The following NXPE2 variants were observed in gnomAD, a reference collection of about 807,000 sequenced individuals.
NXPE2 encodes NXPE family member 2.
NXPE2 carries 34 observed loss-of-function variants against 34.4 expected under a neutral mutation model. The ratio of observed to expected loss-of-function variants is 0.99; its 90% CI spans 0.75 to 1.31. The LOEUF (loss-of-function observed/expected upper bound fraction) is 1.31, where lower values mean the gene tolerates loss of function less well. Among genes scored for constraint, NXPE2 ranks in the 40% most tolerant of loss-of-function variants. The pLI is 0.00. For missense variants in NXPE2, 649 were observed against 672.5 expected (o/e 0.97, Z 0.39); for synonymous variants, 235 against 231.3 (o/e 1.02, Z -0.15).
chr11:114,511,696 T>TG, the NXPE2 span, among the ~76,000 whole-genome samples: 1 of 152,206 alleles, frequency 6.6e-6, no homozygotes, highest in Non-Finnish European at 1.5e-5. Context: ...TGGGGCCTGG[T>TG]GAAAGGTGTT....
the NXPE2 span, chr11:114,553,726 G>A: frequency 2.0e-6 from 2 of 985,212 alleles, no homozygotes; most frequent in South Asian, 9.4e-5. Context: ...GCATATCCCA[G>A]TGTCTTTAAG....
At chr11:114,609,182 C>A in the NXPE2 span, among the ~76,000 whole-genome samples, 4 of 151,504 alleles carry the variant, frequency 2.6e-5, no homozygotes, top group African/African-American at 9.7e-5. Context: ...ATAAATATTG[C>A]CTCATGGGTA....
At chr11:114,784,098 C>T in the NXPE2 span, among the ~76,000 whole-genome samples, 2 of 152,186 alleles carry the variant, frequency 1.3e-5, no homozygotes, top group Non-Finnish European at 2.9e-5. Flanking sequence ...GGCCAAGGTT[C>T]AAACAGATTG....
the NXPE2 span, among the ~76,000 whole-genome samples, chr11:114,722,066 T>TCTTCATG: frequency 6.6e-6 from 1 of 152,210 alleles, no homozygotes; most frequent in East Asian, 1.9e-4. Flanking sequence ...CTCAACCTTT[T>TCTTCATG]CTTCATGCAT....
the NXPE2 span, among the ~76,000 whole-genome samples, chr11:114,783,622 G>A: frequency 6.6e-6 from 1 of 152,158 alleles, no homozygotes; most frequent in East Asian, 1.9e-4. Flanking sequence ...TTTTCTTTCT[G>A]GGGTCCTCTT....
chr11:114,765,335 T>A, the NXPE2 span, among the ~76,000 whole-genome samples: 1 of 152,254 alleles, frequency 6.6e-6, no homozygotes, highest in Non-Finnish European at 1.5e-5. Context: ...CAATACTGTG[T>A]GTAGCAAGTC....
At chr11:114,806,777 A>G in the NXPE2 span, among the ~76,000 whole-genome samples, 1 of 152,052 alleles carries the variant, frequency 6.6e-6, no homozygotes, top group Non-Finnish European at 1.5e-5. Context: ...GCAGGATATT[A>G]TCCAGGAGAA....
At chr11:114,754,225 A>T in the NXPE2 span, among the ~76,000 whole-genome samples, 3 of 152,080 alleles carry the variant, frequency 2.0e-5, no homozygotes, top group Admixed American at 2.0e-4. Flanking sequence ...GTGCAGTTAG[A>T]TGGAGGTAAA....
the NXPE2 span, among the ~76,000 whole-genome samples, chr11:114,625,189 G>C: frequency 0.092 from 13,977 of 152,170 alleles, 762 homozygotes; most frequent in Middle Eastern, 0.2. Context: ...TGGATAATAC[G>C]TGTGGCCTTG....
At chr11:114,598,827 C>A in the NXPE2 span, among the ~76,000 whole-genome samples, 1 of 152,032 alleles carries the variant, frequency 6.6e-6, no homozygotes, top group South Asian at 2.1e-4. Flanking sequence ...CTCTGAAATG[C>A]CTTTGAGGCC....
the NXPE2 span, among the ~76,000 whole-genome samples, chr11:114,745,027 A>G: frequency 6.6e-6 from 1 of 152,204 alleles, no homozygotes; most frequent in Admixed American, 6.6e-5. Flanking sequence ...ATTCTTTCTC[A>G]GCAAATAAAT....
chr11:114,521,165 T>C, the NXPE2 span, among the ~76,000 whole-genome samples: 7 of 141,400 alleles, frequency 5.0e-5, no homozygotes, highest in Middle Eastern at 3.5e-3. Flanking sequence ...ATTTTCTCTT[T>C]AACAGGAAAG....
the NXPE2 span, among the ~76,000 whole-genome samples, chr11:114,805,863 G>A: frequency 2.0e-4 from 31 of 152,312 alleles, no homozygotes; most frequent in South Asian, 4.6e-3. Context: ...CTCCCAGCAC[G>A]CAGCTTGAGA....
the NXPE2 span, chr11:114,526,415 A>G: frequency 1.6e-5 from 2 of 123,174 alleles, no homozygotes; most frequent in African/African-American, 6.0e-5. Context: ...TATGAATTTT[A>G]TTTTATATTC....
At chr11:114,721,089 CAGG>C in the NXPE2 span, among the ~76,000 whole-genome samples, 154 of 152,218 alleles carry the variant, frequency 1.0e-3, 1 homozygote, top group Non-Finnish European at 3.1e-4. Flanking sequence ...TCCTTTCCCC[CAGG>C]AGTTCTCTCA....
At chr11:114,697,039 TTC>T (rs1044876026) in intron 2 of NXPE2, among the ~76,000 whole-genome samples, 12 of 152,192 alleles carry the variant, frequency 7.9e-5, no homozygotes, top group Non-Finnish European at 1.8e-4. Flanking sequence ...TAAATATGGC[TTC>T]TCTCTCTGTC....
chr11:114,631,678 A>C, the NXPE2 span, among the ~76,000 whole-genome samples: 14,030 of 151,502 alleles, frequency 0.093, 831 homozygotes, highest in Middle Eastern at 0.2. Context: ...TATATATATA[A>C]AAAAAGTATT....
chr11:114,654,733 G>T, the NXPE2 span, among the ~76,000 whole-genome samples: 8 of 152,116 alleles, frequency 5.3e-5, no homozygotes, highest in Non-Finnish European at 7.4e-5. Flanking sequence ...ATGGACATTT[G>T]ACTTGGTTCC....
At chr11:114,749,870 T>A in the NXPE2 span, among the ~76,000 whole-genome samples, 4 of 152,140 alleles carry the variant, frequency 2.6e-5, no homozygotes, top group South Asian at 8.3e-4. Context: ...TTTGCCACCC[T>A]GTGCCTGATT....
Sources: gnomAD v4.1 joint callset for allele counts (sites outside exome capture counted in the v4.1 genomes callset) on GRCh38, gnomAD v4.1.1 for gene constraint, MANE v1.5 for transcripts, NCBI Gene and HGNC (gene_info 2026-07-23, HGNC 2026-07-21) for gene names.